Variants in KIAA1328 observed in about 807,000 individuals in gnomAD.
The protein encoded by KIAA1328 is KIAA1328.
Under a neutral mutation model 68.1 loss-of-function variants are expected in KIAA1328, and 52 were observed. That is an observed-to-expected ratio of 0.76 (90% confidence interval 0.61 to 0.96). The LOEUF is 0.96. Among genes scored for constraint, KIAA1328 ranks in the 40% least tolerant of loss-of-function variants. The pLI is 0.00. For missense variants in KIAA1328, 641 were observed against 677.6 expected, an observed-to-expected ratio of 0.95 and a Z score of 0.60; for synonymous variants, 232 against 239.4, an observed-to-expected ratio of 0.97 and a Z score of 0.28.
chr18:36,879,514 G>T (rs540599732), intron 4 of KIAA1328, among the ~76,000 whole-genome samples: 1 of 152,340 alleles, frequency 6.6e-6, no homozygotes, highest in Admixed American at 6.5e-5. Context: ...AGACTCACTT[G>T]AAGAGGCAGT....
At chr18:36,830,783 CATAG>C (rs2046457336) in intron 1 of KIAA1328, among the ~76,000 whole-genome samples, 1 of 152,146 alleles carries the variant, frequency 6.6e-6, no homozygotes, top group East Asian at 1.9e-4. Context: ...TTCGTCCTCT[CATAG>C]ATAGTGAGGA....
intron 7 of KIAA1328, among the ~76,000 whole-genome samples, chr18:37,068,098 G>T (rs1413064134): frequency 6.6e-6 from 1 of 152,126 alleles, no homozygotes; most frequent in Non-Finnish European, 1.5e-5. Context: ...TGTAATTTTT[G>T]CTGGGTTCCA....
intron 7 of KIAA1328, among the ~76,000 whole-genome samples, chr18:37,123,682 T>C (rs551995783): frequency 6.6e-6 from 1 of 152,248 alleles, no homozygotes; most frequent in South Asian, 2.1e-4. Flanking sequence ...AATAACAAAC[T>C]GAGGTTAGGC....
At chr18:36,862,836 T>C (rs2047610741) in intron 4 of KIAA1328, among the ~76,000 whole-genome samples, 1 of 152,198 alleles carries the variant, frequency 6.6e-6, no homozygotes. Flanking sequence ...TTATAATTAA[T>C]TTCTATTCTA....
intron 7 of KIAA1328, among the ~76,000 whole-genome samples, chr18:37,094,653 A>G (rs910557454): frequency 6.6e-6 from 1 of 152,224 alleles, no homozygotes; most frequent in African/African-American, 2.4e-5. Flanking sequence ...GATAACAAAA[A>G]AGAAAGAGAA....
intron 6 of KIAA1328, among the ~76,000 whole-genome samples, chr18:36,962,531 C>T (rs933942368): frequency 2.0e-5 from 3 of 152,160 alleles, no homozygotes; most frequent in Admixed American, 1.3e-4. Flanking sequence ...CTTCTCAGCA[C>T]CACATCATGC....
chr18:37,053,078 C>T (rs1424558232), intron 6 of KIAA1328, among the ~76,000 whole-genome samples: 1 of 152,134 alleles, frequency 6.6e-6, no homozygotes, highest in African/African-American at 2.4e-5. Flanking sequence ...CATCACATTA[C>T]CTGATATGAA....
intron 5 of KIAA1328, among the ~76,000 whole-genome samples, chr18:36,945,269 A>G (rs1468734200): frequency 6.6e-6 from 1 of 152,210 alleles, no homozygotes; most frequent in Non-Finnish European, 1.5e-5. Context: ...CCAGTGTTTC[A>G]GAATCATTCT....
chr18:36,919,981 A>G (rs9944941), intron 5 of KIAA1328, among the ~76,000 whole-genome samples: 136,267 of 152,132 alleles, frequency 0.9, 62,992 homozygotes, highest in East Asian at 1. Context: ...GACCTTTGTT[A>G]GATGCACAGT....
At chr18:37,211,626 T>C (rs1252404322) in intron 9 of KIAA1328, among the ~76,000 whole-genome samples, 1 of 152,220 alleles carries the variant, frequency 6.6e-6, no homozygotes, top group Non-Finnish European at 1.5e-5. Flanking sequence ...TTGAACTGTA[T>C]TAAGCCATTG....
chr18:36,996,775 G>A (rs1170704231), intron 6 of KIAA1328, among the ~76,000 whole-genome samples: 2 of 152,118 alleles, frequency 1.3e-5, no homozygotes, highest in African/African-American at 4.8e-5. Flanking sequence ...TTTCTTTAAT[G>A]TTTCTAATTT....
intron 6 of KIAA1328, among the ~76,000 whole-genome samples, chr18:36,978,345 G>A (rs1332604785): frequency 6.6e-6 from 1 of 152,184 alleles, no homozygotes; most frequent in Non-Finnish European, 1.5e-5. Context: ...GAAAACAGAT[G>A]TTCAGCATGA....
chr18:36,895,014 A>G (rs1439572428), intron 5 of KIAA1328, among the ~76,000 whole-genome samples: 1 of 152,080 alleles, frequency 6.6e-6, no homozygotes, highest in African/African-American at 2.4e-5. Context: ...GGGTTTTCCT[A>G]CTTATTACAT....
chr18:37,221,911 A>G, intron 9 of KIAA1328, 106 bp from the exon 10 acceptor site: 1 of 1,095,050 alleles, frequency 9.1e-7, no homozygotes, highest in Non-Finnish European at 1.3e-6. Context: ...GCATGATGTG[A>G]TCTGTAATCT....
At chr18:37,151,819 T>A (rs898599117) in intron 7 of KIAA1328, among the ~76,000 whole-genome samples, 3 of 152,142 alleles carry the variant, frequency 2.0e-5, no homozygotes, top group African/African-American at 4.8e-5. Flanking sequence ...GAGAAGGGCA[T>A]CCATAGAAGA....
At chr18:37,135,704 T>C (rs993474202) in intron 7 of KIAA1328, among the ~76,000 whole-genome samples, 1 of 152,182 alleles carries the variant, frequency 6.6e-6, no homozygotes, top group African/African-American at 2.4e-5. Context: ...CACTTGTCAA[T>C]TTTTTGTTCT....
At chr18:36,910,056 A>C (rs2049376156) in intron 5 of KIAA1328, among the ~76,000 whole-genome samples, 1 of 151,908 alleles carries the variant, frequency 6.6e-6, no homozygotes, top group Non-Finnish European at 1.5e-5. Context: ...TAGATTGCAG[A>C]AATTTTCTGT....
At chr18:37,025,591 A>G (rs566140015) in intron 6 of KIAA1328, among the ~76,000 whole-genome samples, 2 of 152,314 alleles carry the variant, frequency 1.3e-5, no homozygotes, top group South Asian at 2.1e-4. Context: ...GCTCAACTAC[A>G]TGGAAACTGA....
At chr18:37,137,356 A>G (rs186353551) in intron 7 of KIAA1328, among the ~76,000 whole-genome samples, 1 of 151,938 alleles carries the variant, frequency 6.6e-6, no homozygotes, top group East Asian at 1.9e-4. Flanking sequence ...TCCTTAAAAC[A>G]AAACAAAAAA....
Sources: allele counts gnomAD v4.1 joint callset (sites outside exome capture counted in the v4.1 genomes callset), GRCh38; gene constraint gnomAD v4.1.1; transcripts MANE v1.5; gene names NCBI Gene and HGNC (gene_info 2026-07-23, HGNC 2026-07-21).